The following TRAPPC2 variants were observed in gnomAD, a reference collection of about 807,000 sequenced individuals.
TRAPPC2 encodes the protein trafficking protein particle complex subunit 2, also known as sedlin.
TRAPPC2 carries 4 observed loss-of-function variants against 10.0 expected under a neutral mutation model. The ratio of observed to expected loss-of-function variants is 0.40; its 90% CI spans 0.20 to 0.92. The LOEUF (loss-of-function observed/expected upper bound fraction) is 0.92, where lower values mean the gene tolerates loss of function less well. TRAPPC2 is among the 40% of genes least tolerant of loss of function. The pLI, the probability that TRAPPC2 is intolerant of heterozygous loss-of-function variation, is 0.35. For missense variants in TRAPPC2, 52 were observed against 108.7 expected, an observed-to-expected ratio of 0.48 and a Z score of 2.32; for synonymous variants, 36 against 37.3, an observed-to-expected ratio of 0.97 and a Z score of 0.12.
intron 2 of TRAPPC2, among the ~76,000 whole-genome samples, chrX:13,723,122 A>G (rs2046463169): frequency 9.3e-6 from 1 of 107,697 alleles, no homozygotes; most frequent in Admixed American, 9.9e-5. Context: ...AAATGTGGCT[A>G]GTGAGAATGT....
At chrX:13,726,150 G>T (rs1387506732) in intron 2 of TRAPPC2, among the ~76,000 whole-genome samples, 4 of 107,276 alleles carry the variant, frequency 3.7e-5, no homozygotes, top group African/African-American at 1.4e-4. Flanking sequence ...ACCTGAAAGT[G>T]ATGGGGAGAA....
chrX:13,730,626 A>G (rs1203510498), intron 2 of TRAPPC2, among the ~76,000 whole-genome samples: 2 of 111,908 alleles, frequency 1.8e-5, no homozygotes, highest in African/African-American at 6.5e-5. Context: ...ACGTATGTTT[A>G]TTGTGGCACT....
intron 2 of TRAPPC2, among the ~76,000 whole-genome samples, chrX:13,723,289 T>C (rs2146826619): frequency 9.0e-6 from 1 of 110,634 alleles, no homozygotes; most frequent in Non-Finnish European, 1.9e-5. Flanking sequence ...TGCCTCAGCC[T>C]CTTGAGTAGC....
chrX:13,717,034 TAAAAAAAAAA>T (rs1175025577), intron 3 of TRAPPC2, among the ~76,000 whole-genome samples: 10 of 37,936 alleles, frequency 2.6e-4, no homozygotes, highest in South Asian at 4.6e-3. Flanking sequence ...GATACTATGT[TAAAAAAAAAA>T]AAAAAAAAAA....
chrX:13,720,263 A>G (rs1034198117), intron 2 of TRAPPC2: 2 of 170,892 alleles, frequency 1.2e-5, no homozygotes, highest in Non-Finnish European at 2.2e-5. Flanking sequence ...TGATCTGAAA[A>G]TATGGCTCAT....
rs770925068 is a variant in TRAPPC2 at position 13,712,573 on chromosome X, G to A, written c.*1834C>T. 2 of 112,226 alleles carry A rather than the reference G, an allele frequency of 1.8e-5. No homozygotes were observed. Among genetic ancestry groups the A allele is most frequent in the South Asian group, 3.7e-4 (1 of 2,722 alleles). 9.2% of individuals were successfully genotyped at this position (112,226 alleles called of 1,213,427 possible). Reference sequence around the variant, plus strand: ...TTGCCTTACAATTTTTTACAAGTACGAGTATCAACAGTTTACTGTCTGAGG... The same window carrying A: ...TTGCCTTACAATTTTTTACAAGTACAAGTATCAACAGTTTACTGTCTGAGG... On this transcript the variant is annotated 3_prime_UTR_variant, in exon 6 of 6. Coordinates refer to ENST00000380579, the MANE Select transcript of TRAPPC2 (RefSeq NM_001011658.4).
At chrX:13,719,677 G>A (rs2046367634) in intron 3 of TRAPPC2, among the ~76,000 whole-genome samples, 194 bp downstream of exon 3, 1 of 111,746 alleles carries the variant, frequency 8.9e-6, no homozygotes, top group South Asian at 3.7e-4. Context: ...AGAGCGTCAT[G>A]CTAGTCTGTG....
At chrX:13,734,441 C>T in intron 1 of TRAPPC2, 84 bp downstream of exon 1, 1 of 240,134 alleles carries the variant, frequency 4.2e-6, no homozygotes, top group Non-Finnish European at 7.5e-6. Flanking sequence ...AGGTACAGGA[C>T]CAACATCCGC....
chrX:13,716,913 T>C (rs906762875), intron 3 of TRAPPC2, among the ~76,000 whole-genome samples: 4 of 109,988 alleles, frequency 3.6e-5, no homozygotes, highest in African/African-American at 9.9e-5. Context: ...AATGTGTATA[T>C]AGAGGATTTA....
At chrX:13,723,367 C>T (rs1359607345) in intron 2 of TRAPPC2, among the ~76,000 whole-genome samples, 3 of 110,143 alleles carry the variant, frequency 2.7e-5, no homozygotes, top group Non-Finnish European at 5.7e-5. Flanking sequence ...GGGGATTCAC[C>T]GTGTTGGCCA....
chrX:13,716,772 TGTG>T, intron 3 of TRAPPC2, 94 bp from the exon 4 acceptor site: 2 of 994,387 alleles, frequency 2.0e-6, no homozygotes, highest in Non-Finnish European at 2.8e-6. Context: ...ATGGTTTTCT[TGTG>T]GGGAAAAAAC....
chrX:13,716,134 AAGC>A, intron 4 of TRAPPC2, 45 bp from the exon 5 acceptor site: 2 of 1,130,992 alleles, frequency 1.8e-6, no homozygotes, highest in Middle Eastern at 3.4e-4. Context: ...GAAAAACAAA[AAGC>A]AACCAGTTCG....
intron 2 of TRAPPC2, among the ~76,000 whole-genome samples, chrX:13,725,552 T>C (rs188287429): frequency 1.3e-3 from 149 of 112,395 alleles, no homozygotes; most frequent in Middle Eastern, 4.6e-3. Context: ...CAGAAAGGAA[T>C]AGCATCATCA....
intron 2 of TRAPPC2, among the ~76,000 whole-genome samples, chrX:13,729,153 A>G (rs1425494260): frequency 2.7e-5 from 3 of 111,920 alleles, no homozygotes; most frequent in African/African-American, 6.5e-5. Flanking sequence ...AATCAATATC[A>G]TGAAAATGGC....
chrX:13,733,772 C>A (rs1368757600), intron 2 of TRAPPC2, among the ~76,000 whole-genome samples: 1 of 109,613 alleles, frequency 9.1e-6, no homozygotes, highest in Non-Finnish European at 1.9e-5. Context: ...TTAATGATTC[C>A]TTTGCTCATT....
Position 13,712,889 on chromosome X carries a change from T to C in TRAPPC2, c.*1518A>G, listed in dbSNP as rs1380984364. ...CACTCCCAACTGCAGAATATTTTAA[T>C]TTTAAATTTATCTACCAAATCTTGA... is the stretch of plus-strand genomic sequence containing the variant. On this transcript the variant is annotated 3_prime_UTR_variant, in exon 6 of 6. Coordinates refer to ENST00000380579, the MANE Select transcript of TRAPPC2 (RefSeq NM_001011658.4). 1 of 112,183 alleles carries C rather than the reference T, an allele frequency of 8.9e-6. No homozygotes were observed. The highest frequency in any genetic ancestry group is 1.9e-5 in the Non-Finnish European group (1 of 53,308). The allele number at this position is 112,183 out of a possible 1,213,427, so 9.2% of individuals were successfully genotyped here. A position where few individuals can be genotyped will look rare whatever the true frequency, so the allele number is the denominator to read the frequency against.
At position 13,714,143 on chromosome X, in the gene TRAPPC2, GA is replaced by G. The variant is rs1057515794; in HGVS notation, c.*263del. ...GGCAACAGAGTGAGACTCTGTATCAGAAAAAAAAAAAAAAAAAAAACATGAT... is the reference window on the plus strand; with the variant it reads ...GGCAACAGAGTGAGACTCTGTATCAGAAAAAAAAAAAAAAAAAAACATGAT... On this transcript the variant is annotated 3_prime_UTR_variant, in exon 6 of 6. Transcript: ENST00000380579. 2,590 of 61,455 alleles carry G rather than the reference GA, an allele frequency of 0.042. 44 individuals are homozygous for G. Among genetic ancestry groups the G allele is most frequent in the African/African-American group, 0.12 (1,736 of 15,057 alleles). 5.1% of individuals were successfully genotyped at this position (61,455 alleles called of 1,213,427 possible).
At chrX:13,728,690 C>T (rs1183077889) in intron 2 of TRAPPC2, among the ~76,000 whole-genome samples, 1 of 112,087 alleles carries the variant, frequency 8.9e-6, no homozygotes, top group Non-Finnish European at 1.9e-5. Context: ...AAAACTGGCA[C>T]AAGACAAGGA....
chrX:13,724,945 T>C (rs1024723456), intron 2 of TRAPPC2, among the ~76,000 whole-genome samples: 1 of 113,271 alleles, frequency 8.8e-6, no homozygotes, highest in Non-Finnish European at 1.9e-5. Context: ...ACAAGGAGAT[T>C]CTCTCCCATG....
Sources: gnomAD v4.1 joint callset for allele counts (sites outside exome capture counted in the v4.1 genomes callset) on GRCh38, gnomAD v4.1.1 for gene constraint, MANE v1.5 for transcripts, NCBI Gene and HGNC (gene_info 2026-07-23, HGNC 2026-07-21) for gene names.